The following FRMD4A variants were observed in gnomAD, a reference collection of about 807,000 sequenced individuals.
The protein encoded by FRMD4A is FERM domain-containing protein 4A.
A neutral mutation model predicts 129.1 loss-of-function variants in FRMD4A; 29 were observed. That is an observed-to-expected ratio of 0.22 (90% CI 0.17 to 0.31). The LOEUF is 0.31. Among genes scored for constraint, FRMD4A ranks in the 10% least tolerant of loss-of-function variants. The pLI is 1.00. For missense variants in FRMD4A, 1,272 were observed against 1,375.8 expected (o/e 0.92, Z 1.19); for synonymous variants, 634 against 571.6 (o/e 1.11, Z -1.56).
intron 5 of FRMD4A, among the ~76,000 whole-genome samples, chr10:13,788,722 G>A (rs1000513076): frequency 4.6e-5 from 7 of 152,172 alleles, no homozygotes; most frequent in African/African-American, 1.4e-4. Flanking sequence ...ATCCCGACCC[G>A]AGAATATTTT....
intron 4 of FRMD4A, among the ~76,000 whole-genome samples, chr10:13,802,436 C>A (rs1008595841): frequency 6.6e-6 from 1 of 152,050 alleles, no homozygotes; most frequent in Admixed American, 6.6e-5. Flanking sequence ...AAATCCAAAG[C>A]AAGAGATGAA....
At chr10:13,902,128 T>A (rs2094826529) in intron 2 of FRMD4A, among the ~76,000 whole-genome samples, 1 of 144,576 alleles carries the variant, frequency 6.9e-6, no homozygotes, top group African/African-American at 2.6e-5. Flanking sequence ...GTGATCCTCC[T>A]GTCTCAGCCT....
chr10:14,216,366 AT>A lies in FRMD4A; in HGVS notation c.45+113691del, dbSNP rs1406403706. 2.0e-5 allele frequency among the ~76,000 whole-genome samples: 3 copies of A among 152,220 alleles called. No homozygotes were observed. In the East Asian group the frequency reaches 5.8e-4, roughly 29 times the overall value. ...CACTTCCAATAGGTACAGGAACTGT[AT>A]TTGCTCAAAAGTGGAAGAGAAGGCT... On this transcript the variant is annotated intron_variant, in intron 2 of 24. Transcript: ENST00000357447.
intron 2 of FRMD4A, chr10:14,087,614 G>C (rs1208267762): frequency 6.6e-6 from 1 of 152,146 alleles, no homozygotes; most frequent in African/African-American, 2.4e-5. Context: ...CTGGCTCCTG[G>C]TGGGATGAGA....
At chr10:14,261,025 G>A (rs566772392) in intron 2 of FRMD4A, among the ~76,000 whole-genome samples, 1 of 152,218 alleles carries the variant, frequency 6.6e-6, no homozygotes, top group Admixed American at 6.5e-5. Context: ...AGCATCTAGG[G>A]GGAATTCACA....
At chr10:14,010,664 CTTTTTTTTTTTTT>C (rs779471389) in intron 2 of FRMD4A, among the ~76,000 whole-genome samples, 1 of 76,418 alleles carries the variant, frequency 1.3e-5, no homozygotes, top group Non-Finnish European at 2.4e-5. Flanking sequence ...GAGTTTAGGT[CTTTTTTTTTTTTT>C]TTTTTTTTTT....
At chr10:13,797,526 AG>A (rs1258653535) in intron 4 of FRMD4A, among the ~76,000 whole-genome samples, 2 of 151,966 alleles carry the variant, frequency 1.3e-5, no homozygotes, top group African/African-American at 4.8e-5. Flanking sequence ...GGCTAGGGAG[AG>A]CCCTGGGGGC....
At chr10:14,102,992 G>T (rs911471359) in intron 2 of FRMD4A, among the ~76,000 whole-genome samples, 1 of 152,166 alleles carries the variant, frequency 6.6e-6, no homozygotes, top group Non-Finnish European at 1.5e-5. Flanking sequence ...TTATTTTCCT[G>T]GAATTGAAAA....
chr10:14,182,918 G>A (rs532370499), intron 2 of FRMD4A, among the ~76,000 whole-genome samples: 1 of 152,320 alleles, frequency 6.6e-6, no homozygotes, highest in South Asian at 2.1e-4. Flanking sequence ...TTGTTGATTA[G>A]GCTGCTTCAA....
At chr10:14,011,671 A>T (rs2095682920) in intron 2 of FRMD4A, among the ~76,000 whole-genome samples, 1 of 152,122 alleles carries the variant, frequency 6.6e-6, no homozygotes, top group Admixed American at 6.5e-5. Flanking sequence ...GAGACATTGG[A>T]CCAAAGGAAT....
At chr10:13,836,937 T>C (rs1368986316) in intron 3 of FRMD4A, among the ~76,000 whole-genome samples, 1 of 152,038 alleles carries the variant, frequency 6.6e-6, no homozygotes, top group Non-Finnish European at 1.5e-5. Context: ...TTTTGTATTT[T>C]TAGTAGAGAC....
chr10:14,174,919 G>GTGTGTGTGT (rs60814768), intron 2 of FRMD4A, among the ~76,000 whole-genome samples: 1 of 149,434 alleles, frequency 6.7e-6, no homozygotes, highest in African/African-American at 2.5e-5. Context: ...GTGTGTGTGT[G>GTGTGTGTGT]GACGCGCGCG....
chr10:13,927,057 C>G (rs768451108), intron 2 of FRMD4A, among the ~76,000 whole-genome samples: 2 of 152,106 alleles, frequency 1.3e-5, no homozygotes, highest in Non-Finnish European at 2.9e-5. Context: ...ACTTGAAGAC[C>G]AGCCTGGCCA....
intron 13 of FRMD4A, among the ~76,000 whole-genome samples, chr10:13,706,457 G>A (rs1251193218): frequency 6.6e-6 from 1 of 152,106 alleles, no homozygotes; most frequent in African/African-American, 2.4e-5. Flanking sequence ...GGTGCTCTCT[G>A]GGGTACGATT....
chr10:13,711,222 A>G (rs2087983020), intron 12 of FRMD4A, among the ~76,000 whole-genome samples: 1 of 152,204 alleles, frequency 6.6e-6, no homozygotes, highest in Non-Finnish European at 1.5e-5. Flanking sequence ...CATTTTCTTC[A>G]TGGGGTCTGG....
At position 13,728,573 on chromosome 10, in the gene FRMD4A, C is replaced by CTTTTTTTTTTTT. The variant is rs10706168; in HGVS notation, c.759+9259_759+9270dup. Among the ~76,000 whole-genome samples the CTTTTTTTTTTTT allele has an allele frequency of 5.2e-3, 407 of 78,312 alleles. 24 individuals carry two copies. The highest frequency in any genetic ancestry group is 7.8e-3 in the South Asian group (14 of 1,798). The allele number at this position is 78,312 out of a possible 152,430, so 51.4% of individuals were successfully genotyped here. On this transcript the variant is annotated intron_variant, in intron 12 of 24. Transcript: ENST00000357447. ...TCAGTGCTTTCAGGTGATTACCATT[C>CTTTTTTTTTTTT]TTTTTTTTTTTTTTTTTGAGATGGA...
intron 2 of FRMD4A, among the ~76,000 whole-genome samples, chr10:13,895,494 G>A (rs955327552): frequency 6.6e-6 from 1 of 152,060 alleles, no homozygotes; most frequent in African/African-American, 2.4e-5. Flanking sequence ...ACCAGAACTA[G>A]TACCTGGCAC....
At chr10:14,143,945 T>C (rs761258450) in intron 2 of FRMD4A, among the ~76,000 whole-genome samples, 6 of 152,188 alleles carry the variant, frequency 3.9e-5, no homozygotes, top group Non-Finnish European at 8.8e-5. Context: ...TTTGTCACAA[T>C]TAAAATTTTT....
At chr10:13,777,791 ATTTTTTTTTTTTTTTT>A (rs34059772) in intron 6 of FRMD4A, among the ~76,000 whole-genome samples, 2 of 85,964 alleles carry the variant, frequency 2.3e-5, no homozygotes, top group African/African-American at 8.9e-5. Context: ...CTTTGGGTCA[ATTTTTTTTTTTTTTTT>A]TTTTTTTTTG....
Sources: gnomAD v4.1 joint callset for allele counts (sites outside exome capture counted in the v4.1 genomes callset) on GRCh38, gnomAD v4.1.1 for gene constraint, MANE v1.5 for transcripts, NCBI Gene and HGNC (gene_info 2026-07-23, HGNC 2026-07-21) for gene names.